NAXD: variants seen among roughly 807,000 people sequenced by gnomAD.
NAXD encodes ATP-dependent (S)-NAD(P)H-hydrate dehydratase.
Under a neutral mutation model 35.8 loss-of-function variants are expected in NAXD, and 22 were observed. That is an observed-to-expected ratio of 0.62 (90% confidence interval 0.44 to 0.88). NAXD has a LOEUF of 0.88. Ranked by LOEUF, NAXD falls within the 40% of genes least tolerant of loss-of-function variation. NAXD has a pLI of 0.00. For synonymous variants in NAXD, 189 were observed against 177.6 expected (o/e 1.06, Z -0.51); for missense variants, 428 against 437.7 (o/e 0.98, Z 0.20).
Position 110,626,894 on chromosome 13 carries a change from G to A in NAXD, c.333-545G>A, listed in dbSNP as rs117464221. Among the ~76,000 whole-genome samples, 518 of 152,370 alleles carry A rather than the reference G, an allele frequency of 3.4e-3. 5 individuals carry two copies. Among genetic ancestry groups the A allele is most frequent in the East Asian group, 0.024 (125 of 5,188 alleles). The stretch of plus-strand genomic sequence containing the variant: ...TGAGAAACTGCAGCAGGGTCAGTGC[G>A]TTGTGTGGGGCCTGGTCTATAAGCA... On this transcript the variant is annotated intron_variant, in intron 4 of 9. Coordinates refer to ENST00000680254, the MANE Select transcript of NAXD (RefSeq NM_001242882.2).
intron 1 of NAXD, among the ~76,000 whole-genome samples, chr13:110,620,988 G>C (rs1886242702): frequency 6.6e-6 from 1 of 152,150 alleles, no homozygotes; most frequent in African/African-American, 2.4e-5. Flanking sequence ...TAAATATTAA[G>C]GTAAAATATA....
In NAXD at chr13:110,638,475, TCCGACATGATCGCCGAGGTGGGGG is replaced by T; in HGVS notation, c.941_964del (p.Asp314_Ala321del). The stretch of plus-strand genomic sequence containing the variant: ...GAAGCACGGTCGCTCCACCACCACC[TCCGACATGATCGCCGAGGTGGGGG>T]CCGCCTTCAGCAAGCTCTTTGAAAC... On this transcript the variant is annotated inframe_deletion, in exon 10 of 10. Coordinates refer to ENST00000680254, the MANE Select transcript of NAXD (RefSeq NM_001242882.2). The surrounding 1 kb of genome is among the most constrained non-coding windows in gnomAD (Gnocchi z 5.4). 6.2e-7 allele frequency: 1 copy of T among 1,613,104 alleles called. No homozygotes were observed. Among genetic ancestry groups the T allele is most frequent in the Non-Finnish European group, 8.5e-7 (1 of 1,179,964 alleles).
intron 5 of NAXD, among the ~76,000 whole-genome samples, chr13:110,630,348 A>G (rs1886656592): frequency 6.6e-6 from 1 of 152,036 alleles, no homozygotes; most frequent in African/African-American, 2.4e-5. Context: ...TCTTCTTTGG[A>G]GAAGTGTCTA....
intron 8 of NAXD, among the ~76,000 whole-genome samples, chr13:110,636,912 C>T (rs188032705): frequency 1.1e-4 from 17 of 152,320 alleles, no homozygotes; most frequent in African/African-American, 4.1e-4. Context: ...GCAGCCTCAC[C>T]ACTGCGTGTC....
chr13:110,622,969 A>G (rs1366304974), intron 2 of NAXD, among the ~76,000 whole-genome samples: 19 of 152,068 alleles, frequency 1.2e-4, no homozygotes, highest in Non-Finnish European at 1.5e-5. Context: ...AGGGTGTGTT[A>G]GAGTTGTTAC....
At chr13:110,615,811 G>T (rs1392064465) in intron 1 of NAXD, 164 bp downstream of exon 1, 2 of 1,295,778 alleles carry the variant, frequency 1.5e-6, no homozygotes, top group Non-Finnish European at 9.8e-7. Flanking sequence ...GGCTCGCGGG[G>T]GGGAAGCGCC....
intron 8 of NAXD, among the ~76,000 whole-genome samples, chr13:110,635,991 CTT>C (rs1325128560): frequency 6.6e-6 from 1 of 152,230 alleles, no homozygotes; most frequent in African/African-American, 2.4e-5. Context: ...ATTTCATTCT[CTT>C]TTATCAAAAT....
At chr13:110,621,169 A>G (rs138333394) in intron 1 of NAXD, among the ~76,000 whole-genome samples, 1 of 152,208 alleles carries the variant, frequency 6.6e-6, no homozygotes. Context: ...GTTGGAATAC[A>G]GTTGGGAGTA....
In NAXD at chr13:110,625,269, A is replaced by G; in HGVS notation, c.323A>G (p.His108Arg). 2 of 1,611,792 alleles carry G rather than the reference A, an allele frequency of 1.2e-6. No homozygotes were observed. Among genetic ancestry groups the G allele is most frequent in the East Asian group, 2.2e-5 (1 of 44,838 alleles). ...IKAYSPELIV[H>R]PVLDSPNAVH... ...GCCTACAGCCCGGAGCTGATCGTCC[A>G]CCCAGTTCTGTGAGTCGCTCTGCGC... Residue 108 changes from histidine to arginine, a missense_variant, in exon 4 of 10, where the codon CAC (histidine) becomes CGC (arginine). Coordinates refer to ENST00000680254, the MANE Select transcript of NAXD (RefSeq NM_001242882.2).
In NAXD at chr13:110,622,268, A is replaced by G. The variant is rs201031873; in HGVS notation, c.99A>G (p.Glu33=). The change falls in exon 2 of 10, where the codon GAA becomes GAG. Residue 33 remains glutamate, a synonymous_variant. Coordinates refer to ENST00000680254, the MANE Select transcript of NAXD (RefSeq NM_001242882.2). ...LRKAHSIKDM[E]NTLQLVRNII... is the part of the protein sequence containing the mutation. ...AAGCACATTCGATAAAGGATATGGA[A>G]AATACTTTGCAGCTGGTGAGAAATA... is the stretch of plus-strand genomic sequence containing the variant. The G allele has an allele frequency of 3.1e-6, 5 of 1,614,220 alleles. No homozygotes were observed. In the East Asian group the frequency reaches 8.9e-5, roughly 29 times the overall value.
intron 2 of NAXD, 138 bp downstream of exon 2, chr13:110,622,504 C>T: frequency 1.3e-6 from 1 of 781,554 alleles, no homozygotes; most frequent in Non-Finnish European, 2.0e-6. Context: ...CAGTATTTTT[C>T]AGTGATCCAC....
intron 1 of NAXD, among the ~76,000 whole-genome samples, chr13:110,621,080 G>T (rs1027621527): frequency 3.3e-5 from 5 of 152,280 alleles, no homozygotes; most frequent in Admixed American, 6.5e-5. Flanking sequence ...TACATTAAAT[G>T]CCACTTTGAA....
At position 110,638,414 on chromosome 13, in the gene NAXD, C is replaced by T. The variant is rs780968417; in HGVS notation, c.876C>T (p.Cys292=). The change falls in exon 10 of 10, where the codon TGC becomes TGT. Residue 292 remains cysteine, a synonymous_variant. Coordinates refer to ENST00000680254, the MANE Select transcript of NAXD (RefSeq NM_001242882.2). The surrounding 1 kb of genome is among the most constrained non-coding windows in gnomAD (Gnocchi z 5.4). ...SPLLVAAFGA[C]SLTRQCNHQA... ...TCCTGGTGGCCGCGTTTGGCGCCTG[C>T]TCTCTCACCAGGCAGTGCAACCACC... 2 of 1,613,668 alleles carry T rather than the reference C, an allele frequency of 1.2e-6. No individual in the cohort carries two copies. The highest frequency in any genetic ancestry group is 1.7e-6 in the Non-Finnish European group (2 of 1,180,014).
rs573014209 is a variant in NAXD at position 110,620,768 on chromosome 13, G to A, written c.47-1448G>A. 2.2e-4 allele frequency among the ~76,000 whole-genome samples: 34 copies of A among 152,278 alleles called. 1 individual carries two copies. In the South Asian group the frequency reaches 5.4e-3, roughly 24 times the overall value. ...AGACAAAGCTCTTTTGCTGTGAAAC[G>A]CTCAGTGAGCTTTGGACTGCAGTCA... On this transcript the variant is annotated intron_variant, in intron 1 of 9. Transcript: ENST00000680254.
In NAXD at chr13:110,622,257, AAGGATATGGAAAATACTT is replaced by A. The variant is rs1886297348; in HGVS notation, c.89_106del (p.Lys30_Leu36delinsMet). 6.2e-7 allele frequency: 1 copy of A among 1,614,154 alleles called. No individual in the cohort carries two copies. The highest frequency in any genetic ancestry group is 1.3e-5 in the African/African-American group (1 of 75,064). On this transcript the variant is annotated inframe_deletion, in exon 2 of 10. Coordinates refer to ENST00000680254, the MANE Select transcript of NAXD (RefSeq NM_001242882.2). ...TTCGCTACGTAAAGCACATTCGATA[AAGGATATGGAAAATACTT>A]TGCAGCTGGTGAGAAATATCATACC... is the stretch of plus-strand genomic sequence containing the variant.
At chr13:110,636,612 C>A (rs1466467078) in intron 8 of NAXD, among the ~76,000 whole-genome samples, 1 of 152,230 alleles carries the variant, frequency 6.6e-6, no homozygotes. Flanking sequence ...GAATGTAACA[C>A]CTGGTTTTCA....
At chr13:110,623,731 G>A (rs910100078) in intron 2 of NAXD, among the ~76,000 whole-genome samples, 3 of 152,186 alleles carry the variant, frequency 2.0e-5, no homozygotes, top group Non-Finnish European at 4.4e-5. Context: ...GGCTGGGCGC[G>A]GTGGCTCATG....
In NAXD at chr13:110,634,658, C is replaced by T. The variant is rs756649337; in HGVS notation, c.493-14C>T. 2 of 1,614,028 alleles carry T rather than the reference C, an allele frequency of 1.2e-6. No homozygotes were observed. The highest frequency in any genetic ancestry group is 8.5e-7 in the Non-Finnish European group (1 of 1,179,838). Reference sequence around the variant, plus strand: ...AAGGCCTGTGCAGTGAGCACGGCTCCTTGTTCTGTGCAGGATGGCCTGTGG... The same window carrying T: ...AAGGCCTGTGCAGTGAGCACGGCTCTTTGTTCTGTGCAGGATGGCCTGTGG... On this transcript the variant is annotated splice_polypyrimidine_tract_variant and intron_variant, in intron 6 of 9. Transcript: ENST00000680254.
intron 1 of NAXD, 195 bp downstream of exon 1, chr13:110,615,842 C>T: frequency 8.1e-7 from 1 of 1,239,636 alleles, no homozygotes; most frequent in Non-Finnish European, 1.0e-6. Flanking sequence ...AGCCCGCGCG[C>T]GGGGCCGGGG....
Sources: gnomAD v4.1 joint callset for allele counts (sites outside exome capture counted in the v4.1 genomes callset) on GRCh38, gnomAD v4.1.1 for gene constraint, Gnocchi (gnomAD v3.1) non-coding constraint, MANE v1.5 for transcripts, NCBI Gene and HGNC (gene_info 2026-07-23, HGNC 2026-07-21) for gene names.